Variants in MAL2 observed in about 807,000 individuals in gnomAD.
The protein encoded by MAL2 is protein MAL2.
MAL2 carries 17 observed loss-of-function variants against 18.1 expected under a neutral mutation model. The observed-to-expected ratio is 0.94, with a 90% CI of 0.64 to 1.41. The LOEUF is 1.41. MAL2 is among the 40% of genes most tolerant of loss of function. MAL2 has a pLI of 0.00. For synonymous variants in MAL2, 102 were observed against 102.3 expected (o/e 1.00, Z 0.02); for missense variants, 222 against 231.9 (o/e 0.96, Z 0.28).
intron 2 of MAL2, among the ~76,000 whole-genome samples, chr8:119,227,893 C>T (rs1057123510): frequency 1.3e-5 from 2 of 152,146 alleles, no homozygotes; most frequent in South Asian, 2.1e-4. Flanking sequence ...CTCAGCTTTC[C>T]TGTCTGGTGG....
intron 1 of MAL2, among the ~76,000 whole-genome samples, chr8:119,210,225 T>G (rs1817249200): frequency 6.6e-6 from 1 of 152,228 alleles, no homozygotes. Flanking sequence ...TGTATGTATG[T>G]ATGTAAAGAT....
intron 1 of MAL2, among the ~76,000 whole-genome samples, chr8:119,215,825 C>T (rs891094994): frequency 1.3e-5 from 2 of 152,002 alleles, no homozygotes; most frequent in Non-Finnish European, 2.9e-5. Context: ...CAGCAGTATG[C>T]CTTGTAGTGG....
intron 2 of MAL2, among the ~76,000 whole-genome samples, chr8:119,236,572 A>C (rs1007887856): frequency 1.3e-5 from 2 of 151,880 alleles, no homozygotes; most frequent in Non-Finnish European, 2.9e-5. Context: ...AATGTAAAAG[A>C]ACAGAAATTA....
chr8:119,233,124 T>C (rs543197801), intron 2 of MAL2, among the ~76,000 whole-genome samples: 1 of 152,192 alleles, frequency 6.6e-6, no homozygotes, highest in Non-Finnish European at 1.5e-5. Flanking sequence ...TTGAAACCAA[T>C]GAGAACAAAG....
chr8:119,220,798 C>T (rs1374395002), intron 1 of MAL2, among the ~76,000 whole-genome samples: 1 of 152,148 alleles, frequency 6.6e-6, no homozygotes. Flanking sequence ...ATAGCCCTTG[C>T]TGTGTGGACC....
intron 2 of MAL2, among the ~76,000 whole-genome samples, chr8:119,229,757 TCAACCTTG>T (rs1464038438): frequency 6.6e-6 from 1 of 152,208 alleles, no homozygotes; most frequent in African/African-American, 2.4e-5. Context: ...GCTGTCCCTT[TCAACCTTG>T]CAACCACATA....
intron 1 of MAL2, among the ~76,000 whole-genome samples, chr8:119,211,477 A>T (rs1348878326): frequency 2.0e-5 from 3 of 152,220 alleles, no homozygotes; most frequent in Non-Finnish European, 4.4e-5. Context: ...TATTGACACC[A>T]TGCTCTTGGA....
intron 2 of MAL2, among the ~76,000 whole-genome samples, chr8:119,229,408 A>ATTCAAGCGATTCTTCTGCCTTAGCC (rs998806950): frequency 2.0e-5 from 3 of 148,372 alleles, no homozygotes; most frequent in Admixed American, 1.4e-4. Flanking sequence ...TGCCTCCTGG[A>ATTCAAGCGATTCTTCTGCCTTAGCC]TTCAAGCGAT....
chr8:119,241,587 A>G (rs1394289568), intron 3 of MAL2, among the ~76,000 whole-genome samples: 1 of 152,144 alleles, frequency 6.6e-6, no homozygotes, highest in African/African-American at 2.4e-5. Context: ...CATGTTAGAT[A>G]ATACATGTCT....
intron 1 of MAL2, among the ~76,000 whole-genome samples, chr8:119,216,879 A>G (rs1817364303): frequency 6.6e-6 from 1 of 152,184 alleles, no homozygotes; most frequent in African/African-American, 2.4e-5. Context: ...GGAGGTGTCA[A>G]ATTGGTTTGA....
At chr8:119,225,032 C>T (rs972063282) in intron 2 of MAL2, among the ~76,000 whole-genome samples, 1 of 151,682 alleles carries the variant, frequency 6.6e-6, no homozygotes, top group African/African-American at 2.4e-5. Context: ...TTAATGTAAA[C>T]GAGGATCCCC....
chr8:119,230,300 A>G (rs1460603892), intron 2 of MAL2, among the ~76,000 whole-genome samples: 2 of 152,044 alleles, frequency 1.3e-5, no homozygotes, highest in African/African-American at 4.8e-5. Flanking sequence ...TGGAGTGAGA[A>G]GCGCGAGAAG....
chr8:119,234,133 A>G lies in MAL2; in HGVS notation c.304-6032A>G, dbSNP rs529574516. On this transcript the variant is annotated intron_variant, in intron 2 of 3. Transcript: ENST00000614891. ...TGCGCGAGCCGAAGCAGGGCGAGGCATTGCCTCACTTGGGAAGCGCAAGGG... is the reference window on the plus strand; with the variant it reads ...TGCGCGAGCCGAAGCAGGGCGAGGCGTTGCCTCACTTGGGAAGCGCAAGGG... 2.6e-4 allele frequency among the ~76,000 whole-genome samples: 39 copies of G among 152,350 alleles called. No homozygotes were observed. In the Middle Eastern group the frequency reaches 0.014, roughly 53 times the overall value.
intron 2 of MAL2, among the ~76,000 whole-genome samples, chr8:119,225,648 C>T (rs113225671): frequency 5.3e-5 from 8 of 152,206 alleles, no homozygotes; most frequent in Non-Finnish European, 1.2e-4. Flanking sequence ...AATGGGATGG[C>T]TGGGTCAAAT....
chr8:119,243,652 G>T lies in MAL2; in HGVS notation c.*164G>T. Reference sequence around the variant, plus strand: ...TTCTGGTTTATTTCATGGATGGAATGTTAATTTTATTATGATATTAAAGAA... The same window carrying T: ...TTCTGGTTTATTTCATGGATGGAATTTTAATTTTATTATGATATTAAAGAA... On this transcript the variant is annotated 3_prime_UTR_variant, in exon 4 of 4. Coordinates refer to ENST00000614891, the MANE Select transcript of MAL2 (RefSeq NM_052886.3). 2.2e-6 allele frequency: 1 copy of T among 455,526 alleles called. No homozygotes were observed. The highest frequency in any genetic ancestry group is 9.7e-5 in the South Asian group (1 of 10,356). 28.2% of individuals were successfully genotyped at this position (455,526 alleles called of 1,614,324 possible). A position where few individuals can be genotyped will look rare whatever the true frequency, so the allele number is the denominator to read the frequency against.
chr8:119,227,187 G>A (rs1817614083), intron 2 of MAL2, among the ~76,000 whole-genome samples: 1 of 152,194 alleles, frequency 6.6e-6, no homozygotes, highest in Admixed American at 6.5e-5. Context: ...TGTTATGTTA[G>A]TAGCCAAAAA....
At chr8:119,230,706 G>C (rs9942811) in intron 2 of MAL2, among the ~76,000 whole-genome samples, 4 of 152,246 alleles carry the variant, frequency 2.6e-5, no homozygotes, top group African/African-American at 9.6e-5. Context: ...AGTTAAATGA[G>C]TGCCTAATGA....
At chr8:119,238,378 T>A (rs1817960726) in intron 2 of MAL2, among the ~76,000 whole-genome samples, 2 of 152,084 alleles carry the variant, frequency 1.3e-5, no homozygotes, top group African/African-American at 4.8e-5. Flanking sequence ...TTCAATGCCA[T>A]CCCCATCAAG....
intron 2 of MAL2, among the ~76,000 whole-genome samples, chr8:119,236,395 A>G (rs1316798099): frequency 6.6e-6 from 1 of 151,818 alleles, no homozygotes; most frequent in Non-Finnish European, 1.5e-5. Context: ...TGAGATAGAA[A>G]GTCAACAAGG....
Sources: gnomAD v4.1 joint callset for allele counts (sites outside exome capture counted in the v4.1 genomes callset) on GRCh38, gnomAD v4.1.1 for gene constraint, MANE v1.5 for transcripts, NCBI Gene and HGNC (gene_info 2026-07-23, HGNC 2026-07-21) for gene names.